Variants in CD163L1 observed in about 807,000 individuals in gnomAD.
The protein encoded by CD163L1 is scavenger receptor cysteine-rich type 1 protein M160.
A neutral mutation model predicts 165.4 loss-of-function variants in CD163L1; 124 were observed. The observed-to-expected ratio is 0.75, with a 90% CI of 0.65 to 0.87. The LOEUF is 0.87. CD163L1 is among the 40% of genes least tolerant of loss of function. The pLI is 0.00. For synonymous variants in CD163L1, 585 were observed against 662.2 expected (o/e 0.88, Z 1.79); for missense variants, 1,525 against 1,799.9 (o/e 0.85, Z 2.76).
At chr12:7,439,469 T>C (rs1247560327) in intron 2 of CD163L1, 59 of 1,583,016 alleles carry the variant, frequency 3.7e-5, no homozygotes, top group Non-Finnish European at 4.3e-6. Flanking sequence ...TTCCCGGCCT[T>C]TGCTTTTTTC....
chr12:7,426,454 AAAAT>A (rs766528016), intron 4 of CD163L1, among the ~76,000 whole-genome samples: 1 of 152,014 alleles, frequency 6.6e-6, no homozygotes, highest in Non-Finnish European at 1.5e-5. Flanking sequence ...ACTTAAAGTA[AAAAT>A]AAATAAATAA....
chr12:7,322,569 T>A, the CD163L1 span: 1 of 1,593,650 alleles, frequency 6.3e-7, no homozygotes, highest in South Asian at 1.1e-5. Flanking sequence ...TTATGTTTAG[T>A]ATATGTGGGG....
chr12:7,333,393 G>T, the CD163L1 span, among the ~76,000 whole-genome samples: 1 of 152,118 alleles, frequency 6.6e-6, no homozygotes, highest in Admixed American at 6.5e-5. Context: ...AATGACTACT[G>T]GGTACATAAC....
At chr12:7,441,037 G>C (rs969588705) in intron 2 of CD163L1, 117 bp downstream of exon 2, 2 of 714,472 alleles carry the variant, frequency 2.8e-6, no homozygotes, top group Non-Finnish European at 2.5e-6. Flanking sequence ...GCTATTGAAG[G>C]TCCAACATTA....
downstream of CD163L1, among the ~76,000 whole-genome samples, chr12:7,354,449 T>C (rs1946736291): frequency 6.6e-6 from 1 of 152,272 alleles, no homozygotes; most frequent in Non-Finnish European, 1.5e-5. Flanking sequence ...TTGAAAATGC[T>C]TTCTACATTC....
At chr12:7,426,887 A>G (rs1330505103) in intron 4 of CD163L1, among the ~76,000 whole-genome samples, 1 of 152,182 alleles carries the variant, frequency 6.6e-6, no homozygotes, top group Non-Finnish European at 1.5e-5. Flanking sequence ...ATGGCAACCA[A>G]AAGTAAGCTA....
chr12:7,328,453 CT>C, the CD163L1 span: 1 of 1,105,764 alleles, frequency 9.0e-7, no homozygotes, highest in African/African-American at 1.6e-5. Context: ...AGCGACTACT[CT>C]CTTAAAATGT....
At chr12:7,324,168 A>AT in the CD163L1 span, 1 of 1,364,312 alleles carries the variant, frequency 7.3e-7, no homozygotes, top group Non-Finnish European at 9.8e-7. Context: ...AAAAAAAAAA[A>AT]TTTCCTATAT....
At position 7,374,393 on chromosome 12, in the gene CD163L1, A is replaced by T; in HGVS notation, c.3409+49T>A. 1 of 1,530,964 alleles carries T rather than the reference A, an allele frequency of 6.5e-7. No homozygotes were observed. The highest frequency in any genetic ancestry group is 8.8e-7 in the Non-Finnish European group (1 of 1,130,800). 94.8% of individuals were successfully genotyped at this position (1,530,964 alleles called of 1,614,324 possible). A position where few individuals can be genotyped will look rare whatever the true frequency, so the allele number is the denominator to read the frequency against. On this transcript the variant is annotated intron_variant, in intron 13 of 19. Transcript: ENST00000313599. This position sits in a 1 kb window ranked among gnomAD's most constrained non-coding sequence, Gnocchi z 5.4. ...TTTACAATTGTGTTGTGTGTGTGCAAGTGTGTGCACGTGTGTGTAGAGGAG... is the reference window on the plus strand; with the variant it reads ...TTTACAATTGTGTTGTGTGTGTGCATGTGTGTGCACGTGTGTGTAGAGGAG...
chr12:7,351,718 C>A (rs2136364950), downstream of CD163L1, among the ~76,000 whole-genome samples: 1 of 152,234 alleles, frequency 6.6e-6, no homozygotes, highest in Admixed American at 6.5e-5. Flanking sequence ...AATTTTATTT[C>A]TCTCTAAAAT....
At chr12:7,332,962 T>C in the CD163L1 span, among the ~76,000 whole-genome samples, 62 of 152,308 alleles carry the variant, frequency 4.1e-4, no homozygotes, top group Non-Finnish European at 6.9e-4. Flanking sequence ...ATGGGCTAAA[T>C]GCTCCAGTTA....
chr12:7,428,510 CTCTT>C (rs2136620352), intron 4 of CD163L1, among the ~76,000 whole-genome samples: 1 of 152,136 alleles, frequency 6.6e-6, no homozygotes, highest in East Asian at 1.9e-4. Flanking sequence ...TATCACTTAT[CTCTT>C]TAGTTCCTTT....
Position 7,432,786 on chromosome 12 carries a change from T to A in CD163L1, c.446-50A>T. 2 of 1,467,292 alleles carry A rather than the reference T, an allele frequency of 1.4e-6. No homozygotes were observed. Among genetic ancestry groups the A allele is most frequent in the Non-Finnish European group, 1.8e-6 (2 of 1,084,874 alleles). The allele number at this position is 1,467,292 out of a possible 1,614,324, so 90.9% of individuals were successfully genotyped here. A position where few individuals can be genotyped will look rare whatever the true frequency, so the allele number is the denominator to read the frequency against. On this transcript the variant is annotated intron_variant, in intron 3 of 19. Coordinates refer to ENST00000313599, the MANE Select transcript of CD163L1 (RefSeq NM_174941.6). This position sits in a 1 kb window ranked among gnomAD's most constrained non-coding sequence, Gnocchi z 4.2. ...TGAAAAACTGATTCAACTTTGAGCCTGAAATAAAATCAAAAGGATACGTAG... is the reference window on the plus strand; with the variant it reads ...TGAAAAACTGATTCAACTTTGAGCCAGAAATAAAATCAAAAGGATACGTAG...
chr12:7,326,460 T>C, the CD163L1 span, among the ~76,000 whole-genome samples: 4 of 152,230 alleles, frequency 2.6e-5, no homozygotes, highest in African/African-American at 9.6e-5. Context: ...TCCTTCTACC[T>C]TGGCCTCCCA....
chr12:7,330,892 A>T, the CD163L1 span, among the ~76,000 whole-genome samples: 1 of 152,126 alleles, frequency 6.6e-6, no homozygotes, highest in African/African-American at 2.4e-5. Flanking sequence ...TGCATTTCCA[A>T]CTGAGGTACC....
rs59838598 is a variant in CD163L1, at chr12:7,380,364, C to T, written c.2051-1066G>A. The stretch of plus-strand genomic sequence containing the variant: ...ATACATACATGTATGTGTGTATACG[C>T]GTATACATACATGTATGTGTGTATA... On this transcript the variant is annotated intron_variant, in intron 8 of 19. Coordinates refer to ENST00000313599, the MANE Select transcript of CD163L1 (RefSeq NM_174941.6). Among the ~76,000 whole-genome samples the T allele has an allele frequency of 5.6e-4, 81 of 144,538 alleles. 1 individual carries two copies. Among genetic ancestry groups the T allele is most frequent in the African/African-American group, 1.9e-3 (70 of 36,064 alleles). 94.8% of individuals were successfully genotyped at this position (144,538 alleles called of 152,430 possible). A position where few individuals can be genotyped will look rare whatever the true frequency, so the allele number is the denominator to read the frequency against.
chr12:7,328,977 CAT>C, the CD163L1 span, among the ~76,000 whole-genome samples: 1 of 147,420 alleles, frequency 6.8e-6, no homozygotes, highest in Non-Finnish European at 1.5e-5. Context: ...TACATATATA[CAT>C]ATGTGTATAT....
chr12:7,403,829 C>G lies in CD163L1; in HGVS notation c.1114G>C (p.Ala372Pro). 6.2e-7 allele frequency: 1 copy of G among 1,613,464 alleles called. No individual in the cohort carries two copies. Among genetic ancestry groups the G allele is most frequent in the South Asian group, 1.1e-5 (1 of 91,046 alleles). The change falls in exon 6 of 20, where the codon GCA becomes CCA. Residue 372 changes from alanine to proline, a missense_variant. Transcript: ENST00000313599. ...CCTGAACAATTGTTACTTCCATCTG[C>G]TAGTCGCAGTTCCAAATCTGCTCCA... ...SDGADLELRL[A>P]DGSNNCSGRV...
chr12:7,406,992 T>G, intron 4 of CD163L1, 140 bp from the exon 5 acceptor site: 1 of 780,848 alleles, frequency 1.3e-6, no homozygotes, highest in Middle Eastern at 3.6e-4. Flanking sequence ...TTTAAAATTC[T>G]TGTACAAGTT....
Sources: gnomAD v4.1 joint callset for allele counts (sites outside exome capture counted in the v4.1 genomes callset) on GRCh38, gnomAD v4.1.1 for gene constraint, Gnocchi (gnomAD v3.1) non-coding constraint, MANE v1.5 for transcripts, NCBI Gene and HGNC (gene_info 2026-07-23, HGNC 2026-07-21) for gene names.